The following ANGPT1 variants were observed in gnomAD, a reference collection of about 807,000 sequenced individuals.
ANGPT1 encodes the protein angiopoietin-1.
ANGPT1 carries 17 observed loss-of-function variants against 62.2 expected under a neutral mutation model. That is an observed-to-expected ratio of 0.27 (90% CI 0.19 to 0.41). ANGPT1 has a LOEUF of 0.41. Ranked by LOEUF, ANGPT1 falls within the 10% of genes least tolerant of loss-of-function variation. ANGPT1 has a pLI of 1.00. For synonymous variants in ANGPT1, 199 were observed against 198.9 expected (o/e 1.00, Z 0.00); for missense variants, 478 against 594.9 (o/e 0.80, Z 2.04).
At chr8:107,475,662 G>C in intron 1 of ANGPT1, among the ~76,000 whole-genome samples, 1 of 152,164 alleles carries the variant, frequency 6.6e-6, no homozygotes, top group Non-Finnish European at 1.5e-5. Context: ...TACAGAATGG[G>C]AGAAAATTTT....
intron 5 of ANGPT1, among the ~76,000 whole-genome samples, chr8:107,300,598 TCTC>T (rs1814563604): frequency 1.3e-5 from 2 of 151,922 alleles, no homozygotes; most frequent in East Asian, 3.9e-4. Flanking sequence ...TATTGGAACT[TCTC>T]CTTCTTCTCT....
intron 5 of ANGPT1, chr8:107,295,128 G>A (rs879606392): frequency 6.6e-6 from 1 of 152,176 alleles, no homozygotes; most frequent in African/African-American, 2.4e-5. Context: ...AGAGCGAATT[G>A]TCCATGTACT....
intron 1 of ANGPT1, among the ~76,000 whole-genome samples, chr8:107,396,421 A>T (rs1816935178): frequency 6.6e-6 from 1 of 152,082 alleles, no homozygotes; most frequent in Non-Finnish European, 1.5e-5. Flanking sequence ...ATCTTTAGAA[A>T]TGGGAAAAAT....
At chr8:107,396,680 C>T (rs1189390413) in intron 1 of ANGPT1, among the ~76,000 whole-genome samples, 2 of 151,834 alleles carry the variant, frequency 1.3e-5, no homozygotes, top group Non-Finnish European at 2.9e-5. Context: ...GTCACCATGC[C>T]TGGCTAATTT....
chr8:107,430,334 C>T (rs1445182708), intron 1 of ANGPT1, among the ~76,000 whole-genome samples: 2 of 152,262 alleles, frequency 1.3e-5, no homozygotes, highest in East Asian at 1.9e-4. Flanking sequence ...GTACCATCCT[C>T]GGGCTAAGTA....
At chr8:107,294,332 T>G in intron 5 of ANGPT1, 1 of 198,264 alleles carries the variant, frequency 5.0e-6, no homozygotes, top group Non-Finnish European at 1.0e-5. Context: ...ATCTTTGTTT[T>G]AAATGAAAAT....
chr8:107,296,902 GTTTTTAAATTACTGT>G (rs1460299921), intron 5 of ANGPT1, among the ~76,000 whole-genome samples: 1 of 152,002 alleles, frequency 6.6e-6, no homozygotes. Context: ...ATATTGTACA[GTTTTTAAATTACTGT>G]TACCTAGATT....
chr8:107,260,192 T>C (rs1057260343), intron 8 of ANGPT1, among the ~76,000 whole-genome samples: 2 of 152,128 alleles, frequency 1.3e-5, no homozygotes, highest in Non-Finnish European at 1.5e-5. Flanking sequence ...GCCTATTTCC[T>C]GCCATTCAGT....
intron 2 of ANGPT1, among the ~76,000 whole-genome samples, chr8:107,345,902 G>T (rs1010631686): frequency 6.6e-6 from 1 of 152,098 alleles, no homozygotes; most frequent in African/African-American, 2.4e-5. Flanking sequence ...AATTATTAGT[G>T]TTACTAATCA....
intron 7 of ANGPT1, among the ~76,000 whole-genome samples, chr8:107,277,253 T>C (rs1813888733): frequency 6.6e-6 from 1 of 152,132 alleles, no homozygotes; most frequent in Admixed American, 6.6e-5. Context: ...GAACAAACTG[T>C]TCCCAAGATC....
chr8:107,467,863 A>G (rs561729263), intron 1 of ANGPT1, among the ~76,000 whole-genome samples: 1 of 152,304 alleles, frequency 6.6e-6, no homozygotes, highest in South Asian at 2.1e-4. Context: ...TATGTGCTCA[A>G]GTGTGCTAGT....
intron 5 of ANGPT1, among the ~76,000 whole-genome samples, chr8:107,300,839 A>C (rs1284127544): frequency 6.6e-6 from 1 of 152,024 alleles, no homozygotes; most frequent in Non-Finnish European, 1.5e-5. Context: ...TAGAAGCGTA[A>C]GCTTGAATCT....
chr8:107,492,387 G>A (rs1259077306), intron 1 of ANGPT1, among the ~76,000 whole-genome samples: 1 of 152,128 alleles, frequency 6.6e-6, no homozygotes, highest in African/African-American at 2.4e-5. Context: ...TCAGGCTGGA[G>A]TGCAGTGGTG....
intron 3 of ANGPT1, among the ~76,000 whole-genome samples, chr8:107,329,648 GTTGTGTGTGTGTGTGAGTCT>G (rs1180557623): frequency 6.6e-6 from 1 of 151,288 alleles, no homozygotes; most frequent in Non-Finnish European, 1.5e-5. Flanking sequence ...ATTTTTATTA[GTTGTGTGTGTGTGTGAGTCT>G]TTGTGTGTGT....
chr8:107,316,301 C>T (rs867249872), intron 4 of ANGPT1, among the ~76,000 whole-genome samples: 23 of 152,244 alleles, frequency 1.5e-4, no homozygotes, highest in Middle Eastern at 6.8e-3. Context: ...TATGGTGCAG[C>T]GTGTAATGTA....
intron 1 of ANGPT1, among the ~76,000 whole-genome samples, chr8:107,491,287 C>G (rs953638578): frequency 6.6e-6 from 1 of 152,166 alleles, no homozygotes; most frequent in East Asian, 1.9e-4. Context: ...GTGTCATCCA[C>G]TCTTCTAGGT....
At chr8:107,370,376 G>GAAAGAAAGAAAA (rs1816374600) in intron 1 of ANGPT1, among the ~76,000 whole-genome samples, 1 of 45,136 alleles carries the variant, frequency 2.2e-5, no homozygotes, top group African/African-American at 4.8e-5. Context: ...AAGAAAGAAA[G>GAAAGAAAGAAAA]AAAGAAAGAA....
At chr8:107,418,176 C>T (rs1810801458) in intron 1 of ANGPT1, among the ~76,000 whole-genome samples, 1 of 152,080 alleles carries the variant, frequency 6.6e-6, no homozygotes, top group Admixed American at 6.6e-5. Context: ...CCAGAGAAGA[C>T]AACATATGCA....
At chr8:107,460,189 T>C (rs556215038) in intron 1 of ANGPT1, among the ~76,000 whole-genome samples, 1 of 152,294 alleles carries the variant, frequency 6.6e-6, no homozygotes, top group African/African-American at 2.4e-5. Context: ...TGGGGATGTA[T>C]AAAGTATTTA....
Sources: allele counts gnomAD v4.1 joint callset (sites outside exome capture counted in the v4.1 genomes callset), GRCh38; gene constraint gnomAD v4.1.1; transcripts MANE v1.5; gene names NCBI Gene and HGNC (gene_info 2026-07-23, HGNC 2026-07-21).